MAGI2: variants seen among roughly 807,000 people sequenced by gnomAD.
MAGI2 encodes the protein membrane-associated guanylate kinase, WW and PDZ domain-containing protein 2.
Under a neutral mutation model 133.3 loss-of-function variants are expected in MAGI2, and 35 were observed. The ratio of observed to expected loss-of-function variants is 0.26; its 90% CI spans 0.20 to 0.35. The LOEUF is 0.35. MAGI2 is among the 10% of genes least tolerant of loss of function. The probability of loss-of-function intolerance (pLI) is 1.00; values close to 1 mark genes in which losing one functional copy is unlikely to be tolerated. For missense variants in MAGI2, 1,636 were observed against 1,863.4 expected (o/e 0.88, Z 2.25); for synonymous variants, 729 against 710.6 (o/e 1.03, Z -0.41).
At chr7:78,819,006 G>A (rs1035692354) in intron 2 of MAGI2, among the ~76,000 whole-genome samples, 1 of 152,088 alleles carries the variant, frequency 6.6e-6, no homozygotes, top group African/African-American at 2.4e-5. Context: ...ATGAGATATG[G>A]TTATTCACTT....
At chr7:79,180,145 C>T (rs374231145) in intron 1 of MAGI2, among the ~76,000 whole-genome samples, 1 of 151,944 alleles carries the variant, frequency 6.6e-6, no homozygotes, top group African/African-American at 2.4e-5. Flanking sequence ...TATAAATGAG[C>T]AACAGGTATA....
At chr7:78,714,806 A>T (rs1819545842) in intron 2 of MAGI2, among the ~76,000 whole-genome samples, 1 of 152,194 alleles carries the variant, frequency 6.6e-6, no homozygotes, top group South Asian at 2.1e-4. Flanking sequence ...TTTTCCAAAG[A>T]TGCTGAGCGA....
chr7:79,138,105 A>C (rs1434733572), intron 1 of MAGI2, among the ~76,000 whole-genome samples: 2 of 152,188 alleles, frequency 1.3e-5, no homozygotes, highest in Admixed American at 1.3e-4. Flanking sequence ...GAAAGAATGC[A>C]GCTCTGCTGA....
intron 9 of MAGI2, among the ~76,000 whole-genome samples, chr7:78,336,441 G>A (rs576401238): frequency 5.9e-5 from 9 of 152,180 alleles, no homozygotes; most frequent in South Asian, 2.1e-4. Flanking sequence ...TTCTAGGATC[G>A]GCTGGGCATG....
chr7:78,426,876 C>T (rs1254852496), intron 6 of MAGI2, among the ~76,000 whole-genome samples: 1 of 151,936 alleles, frequency 6.6e-6, no homozygotes, highest in Non-Finnish European at 1.5e-5. Flanking sequence ...TGAAAGCAGC[C>T]AGAGAAAAGC....
chr7:79,359,793 T>A (rs1455169252), intron 1 of MAGI2, among the ~76,000 whole-genome samples: 1 of 151,396 alleles, frequency 6.6e-6, no homozygotes, highest in African/African-American at 2.4e-5. Context: ...ATAAAAACAA[T>A]CTTAGATGAA....
chr7:78,321,688 A>G (rs1029259088), intron 9 of MAGI2, among the ~76,000 whole-genome samples: 1 of 152,210 alleles, frequency 6.6e-6, no homozygotes, highest in Admixed American at 6.5e-5. Context: ...CCCAGGCAAT[A>G]CCATTCAGGA....
intron 21 of MAGI2, among the ~76,000 whole-genome samples, chr7:78,037,913 C>CT (rs1309671918): frequency 6.6e-6 from 1 of 152,162 alleles, no homozygotes; most frequent in African/African-American, 2.4e-5. Context: ...AGTTCCTGGG[C>CT]TGTGTGCACG....
chr7:79,306,716 T>C (rs1024540143), intron 1 of MAGI2, among the ~76,000 whole-genome samples: 10 of 152,310 alleles, frequency 6.6e-5, no homozygotes, highest in African/African-American at 2.4e-4. Context: ...ATTGTAAGCA[T>C]TTACTGTGTA....
At chr7:78,182,321 G>A (rs909335924) in intron 13 of MAGI2, among the ~76,000 whole-genome samples, 2 of 152,142 alleles carry the variant, frequency 1.3e-5, no homozygotes, top group South Asian at 4.1e-4. Flanking sequence ...AGTTTCTGTT[G>A]CTCAAATCTA....
chr7:78,271,121 T>C (rs897797008), intron 9 of MAGI2, among the ~76,000 whole-genome samples: 3 of 152,148 alleles, frequency 2.0e-5, no homozygotes, highest in Non-Finnish European at 4.4e-5. Context: ...AAATAGCTCT[T>C]ATTATTTTGA....
intron 2 of MAGI2, among the ~76,000 whole-genome samples, chr7:78,842,496 A>G (rs1312953509): frequency 6.6e-6 from 1 of 151,960 alleles, no homozygotes; most frequent in Non-Finnish European, 1.5e-5. Flanking sequence ...ATAATTTCTA[A>G]AAATTAACTT....
rs1789485901 is a variant in MAGI2, at chr7:78,227,297, G to A, written c.2048-26104C>T. On this transcript the variant is annotated intron_variant, in intron 10 of 21. Transcript: ENST00000354212. ...CTGGTCATCATCATTGCTCATTAGA[G>A]TAAGTCTGGACTCTCTTGCTGGGCA... 2.6e-5 allele frequency among the ~76,000 whole-genome samples: 4 copies of A among 152,188 alleles called. No individual in the cohort carries two copies. In the South Asian group the frequency reaches 8.3e-4, roughly 31 times the overall value.
At chr7:79,243,011 T>C (rs1265544525) in intron 1 of MAGI2, among the ~76,000 whole-genome samples, 6 of 151,190 alleles carry the variant, frequency 4.0e-5, no homozygotes, top group Admixed American at 3.3e-4. Flanking sequence ...AGGTGAGGAG[T>C]TCAAGACCAG....
chr7:78,333,615 C>T (rs1354055098), intron 9 of MAGI2, among the ~76,000 whole-genome samples: 1 of 152,180 alleles, frequency 6.6e-6, no homozygotes, highest in Non-Finnish European at 1.5e-5. Context: ...CAGCCTAGGC[C>T]TTAAGAGGCC....
At chr7:79,003,972 G>C (rs1302025919) in intron 2 of MAGI2, among the ~76,000 whole-genome samples, 1 of 152,158 alleles carries the variant, frequency 6.6e-6, no homozygotes, top group African/African-American at 2.4e-5. Context: ...TGAGGATGCA[G>C]GGAAAAGGGC....
intron 2 of MAGI2, among the ~76,000 whole-genome samples, chr7:78,953,004 A>C (rs1270601264): frequency 6.6e-6 from 1 of 152,170 alleles, no homozygotes; most frequent in African/African-American, 2.4e-5. Flanking sequence ...GTTAATCAGC[A>C]AGTACTCTAA....
chr7:78,786,285 C>G (rs991802379), intron 2 of MAGI2, among the ~76,000 whole-genome samples: 1 of 152,174 alleles, frequency 6.6e-6, no homozygotes. Flanking sequence ...CGGGTCCAAG[C>G]TACTCTCATG....
chr7:78,343,718 T>A, intron 9 of MAGI2, 60 bp downstream of exon 9: 1 of 1,311,648 alleles, frequency 7.6e-7, no homozygotes, highest in Non-Finnish European at 1.0e-6. Flanking sequence ...AAGCTCCTTA[T>A]ATTTGCCTTC....
Sources: gnomAD v4.1 joint callset for allele counts (sites outside exome capture counted in the v4.1 genomes callset) on GRCh38, gnomAD v4.1.1 for gene constraint, MANE v1.5 for transcripts, NCBI Gene and HGNC (gene_info 2026-07-23, HGNC 2026-07-21) for gene names.